Variants in SINHCAF observed in about 807,000 individuals in gnomAD.
SINHCAF encodes SIN3-HDAC complex-associated factor.
SINHCAF carries 3 observed loss-of-function variants against 25.8 expected under a neutral mutation model. That is an observed-to-expected ratio of 0.12 (90% confidence interval 0.05 to 0.30). The LOEUF (loss-of-function observed/expected upper bound fraction) is 0.30, where lower values mean the gene tolerates loss of function less well. SINHCAF is among the 10% of genes least tolerant of loss of function. SINHCAF has a pLI of 1.00. For missense variants in SINHCAF, 121 were observed against 262.3 expected (o/e 0.46, Z 3.72); for synonymous variants, 70 against 85.5 (o/e 0.82, Z 1.00).
chr12:31,287,595 G>A, intron 5 of SINHCAF, 39 bp downstream of exon 5: 3 of 1,484,418 alleles, frequency 2.0e-6, no homozygotes, highest in Non-Finnish European at 2.7e-6. Flanking sequence ...CCATAATTAA[G>A]ATGGTTTGCT....
At chr12:31,312,140 T>C (rs951931142) in intron 1 of SINHCAF, 10 of 414,500 alleles carry the variant, frequency 2.4e-5, no homozygotes, top group African/African-American at 6.2e-5. Flanking sequence ...TTTCCTGTTT[T>C]TAAACTTAAT....
intron 1 of SINHCAF, among the ~76,000 whole-genome samples, chr12:31,319,643 C>A (rs1939623457): frequency 6.6e-6 from 1 of 152,114 alleles, no homozygotes; most frequent in Admixed American, 6.6e-5. Context: ...TTTTTACTCA[C>A]CAATCTTTCT....
chr12:31,314,222 G>C (rs76817240), intron 1 of SINHCAF, among the ~76,000 whole-genome samples: 1,730 of 152,018 alleles, frequency 0.011, 17 homozygotes, highest in East Asian at 0.036. Flanking sequence ...AGCCTGGAGA[G>C]TTAGAAAGAT....
At chr12:31,294,852 T>C (rs535969423) in intron 3 of SINHCAF, among the ~76,000 whole-genome samples, 1 of 152,218 alleles carries the variant, frequency 6.6e-6, no homozygotes, top group South Asian at 2.1e-4. Flanking sequence ...AAGGCAAAAT[T>C]CAAATTCAAG....
At chr12:31,314,264 G>A (rs1296753119) in intron 1 of SINHCAF, among the ~76,000 whole-genome samples, 7 of 152,000 alleles carry the variant, frequency 4.6e-5, no homozygotes, top group Non-Finnish European at 1.0e-4. Context: ...AGTGGCTCAC[G>A]CCTGTAATCC....
intron 5 of SINHCAF, among the ~76,000 whole-genome samples, chr12:31,286,667 A>AC (rs1938090776): frequency 6.6e-6 from 1 of 151,752 alleles, no homozygotes; most frequent in South Asian, 2.1e-4. Flanking sequence ...CGTCTCAAAA[A>AC]AAAAAAAAAA....
At chr12:31,313,951 G>A (rs776277560) in intron 1 of SINHCAF, among the ~76,000 whole-genome samples, 3 of 151,778 alleles carry the variant, frequency 2.0e-5, no homozygotes, top group African/African-American at 4.8e-5. Context: ...CACCACGCCC[G>A]GCCAATTAAA....
intron 1 of SINHCAF, among the ~76,000 whole-genome samples, chr12:31,319,134 G>A (rs539093091): frequency 6.6e-6 from 1 of 152,266 alleles, no homozygotes; most frequent in African/African-American, 2.4e-5. Flanking sequence ...TCAAACTTGA[G>A]AAAAATGTTA....
At chr12:31,284,755 C>G (rs988111072) in intron 5 of SINHCAF, among the ~76,000 whole-genome samples, 2 of 152,144 alleles carry the variant, frequency 1.3e-5, no homozygotes, top group Non-Finnish European at 2.9e-5. Flanking sequence ...ATAACAAGTG[C>G]TATATACATA....
At chr12:31,284,687 G>A (rs1937960303) in intron 5 of SINHCAF, among the ~76,000 whole-genome samples, 1 of 152,080 alleles carries the variant, frequency 6.6e-6, no homozygotes, top group South Asian at 2.1e-4. Flanking sequence ...TAATATCCTA[G>A]CAACACTTAT....
In SINHCAF at chr12:31,281,498, T is replaced by G. The variant is rs1201290019; in HGVS notation, c.*1214A>C. 3 of 152,152 alleles carry G rather than the reference T, an allele frequency of 2.0e-5. No homozygotes were observed. The highest frequency in any genetic ancestry group is 4.8e-5 in the African/African-American group (2 of 41,438). The allele number at this position is 152,152 out of a possible 1,614,324, so 9.4% of individuals were successfully genotyped here. A position where few individuals can be genotyped will look rare whatever the true frequency, so the allele number is the denominator to read the frequency against. ...AACTGAAGTAATCCAGAGCTGAAACTGAATTGTGCAGATTTTCAATGAAGT... is the reference window on the plus strand; with the variant it reads ...AACTGAAGTAATCCAGAGCTGAAACGGAATTGTGCAGATTTTCAATGAAGT... On this transcript the variant is annotated 3_prime_UTR_variant, in exon 6 of 6. Coordinates refer to ENST00000337682, the MANE Select transcript of SINHCAF (RefSeq NM_001135812.2).
rs986674035 is a variant in SINHCAF at position 31,303,852 on chromosome 12, A to C, written c.-20-5628T>G. Reference sequence around the variant, plus strand: ...TGCAGACTGGAAGAAATAGGAAGCCAATTAAATAGATCATTGAGAAGATCA... The same window carrying C: ...TGCAGACTGGAAGAAATAGGAAGCCCATTAAATAGATCATTGAGAAGATCA... On this transcript the variant is annotated intron_variant, in intron 1 of 5. Coordinates refer to ENST00000337682, the MANE Select transcript of SINHCAF (RefSeq NM_001135812.2). 9.6e-4 allele frequency: 146 copies of C among 152,348 alleles called. 1 individual carries two copies. Among genetic ancestry groups the C allele is most frequent in the African/African-American group, 3.4e-3 (141 of 41,580 alleles). The allele number at this position is 152,348 out of a possible 1,614,324, so 9.4% of individuals were successfully genotyped here.
At position 31,311,252 on chromosome 12, in the gene SINHCAF, G is replaced by A. The variant is rs565558309; in HGVS notation, c.-20-13028C>T. Among the ~76,000 whole-genome samples, 6 of 152,280 alleles carry A rather than the reference G, an allele frequency of 3.9e-5. No homozygotes were observed. In the South Asian group the frequency reaches 1.2e-3, roughly 32 times the overall value. Reference sequence around the variant, plus strand: ...AAGCTGGGGAGTTGGCTGTGGCAGAGGTCATACTGGATTTTCAGGAACAAG... The same window carrying A: ...AAGCTGGGGAGTTGGCTGTGGCAGAAGTCATACTGGATTTTCAGGAACAAG... On this transcript the variant is annotated intron_variant, in intron 1 of 5. Coordinates refer to ENST00000337682, the MANE Select transcript of SINHCAF (RefSeq NM_001135812.2).
chr12:31,313,141 C>T (rs1456098588), intron 1 of SINHCAF, among the ~76,000 whole-genome samples: 1 of 152,188 alleles, frequency 6.6e-6, no homozygotes, highest in Non-Finnish European at 1.5e-5. Flanking sequence ...TCTCCTGCCT[C>T]AGCCTCCCAA....
intron 1 of SINHCAF, among the ~76,000 whole-genome samples, chr12:31,309,325 G>A (rs548814605): frequency 1.3e-5 from 2 of 152,082 alleles, no homozygotes; most frequent in Non-Finnish European, 2.9e-5. Context: ...GACTGATGCA[G>A]GGAATAATAA....
intron 1 of SINHCAF, among the ~76,000 whole-genome samples, chr12:31,322,283 G>A (rs997116493): frequency 2.6e-5 from 4 of 152,148 alleles, no homozygotes; most frequent in Non-Finnish European, 5.9e-5. Flanking sequence ...TATGAAATCT[G>A]CTAGGAAATG....
intron 1 of SINHCAF, among the ~76,000 whole-genome samples, chr12:31,314,521 G>A (rs966632043): frequency 6.6e-6 from 1 of 150,930 alleles, no homozygotes; most frequent in Admixed American, 6.6e-5. Flanking sequence ...GCGAGACTCC[G>A]TCTCAAAAAA....
intron 4 of SINHCAF, among the ~76,000 whole-genome samples, chr12:31,289,801 T>G (rs111892167): frequency 2.1e-4 from 7 of 32,850 alleles, no homozygotes; most frequent in Non-Finnish European, 3.6e-4. Flanking sequence ...AAAATTTGGG[T>G]TTTTTTTTTT....
Position 31,324,206 on chromosome 12 carries a change from CTCCCGCACGCCGCGCT to C in SINHCAF, c.-21+1802_-21+1817del, listed in dbSNP as rs1433941005. 1 of 205,474 alleles carries C rather than the reference CTCCCGCACGCCGCGCT, an allele frequency of 4.9e-6. No homozygotes were observed. The allele number at this position is 205,474 out of a possible 1,614,324, so 12.7% of individuals were successfully genotyped here. On this transcript the variant is annotated intron_variant, in intron 1 of 5. Coordinates refer to ENST00000337682, the MANE Select transcript of SINHCAF (RefSeq NM_001135812.2). The surrounding 1 kb of genome is among the most constrained non-coding windows in gnomAD (Gnocchi z 5.5). The stretch of plus-strand genomic sequence containing the variant: ...GCCCGGCGCCTCCCGCAGGCCGCGC[CTCCCGCACGCCGCGCT>C]GCCGGGGCTTGTTCCTCCTCATGGC...
Sources: gnomAD v4.1 joint callset for allele counts (sites outside exome capture counted in the v4.1 genomes callset) on GRCh38, gnomAD v4.1.1 for gene constraint, Gnocchi (gnomAD v3.1) non-coding constraint, MANE v1.5 for transcripts, NCBI Gene and HGNC (gene_info 2026-07-23, HGNC 2026-07-21) for gene names.